The following NAALADL2 variants were observed in gnomAD, a reference collection of about 807,000 sequenced individuals.
The protein encoded by NAALADL2 is inactive N-acetylated-alpha-linked acidic dipeptidase-like protein 2.
A neutral mutation model predicts 87.2 loss-of-function variants in NAALADL2; 76 were observed. The ratio of observed to expected loss-of-function variants is 0.87; its 90% CI spans 0.72 to 1.05. NAALADL2 has a LOEUF of 1.05. Among genes scored for constraint, NAALADL2 ranks in the 50% least tolerant of loss-of-function variants. The pLI is 0.00. For missense variants in NAALADL2, 1,089 were observed against 945.8 expected, an observed-to-expected ratio of 1.15 and a Z score of -1.99; for synonymous variants, 354 against 331.0, an observed-to-expected ratio of 1.07 and a Z score of -0.75.
intron 2 of NAALADL2, among the ~76,000 whole-genome samples, chr3:174,712,113 C>G (rs1730696635): frequency 6.6e-6 from 1 of 152,010 alleles, no homozygotes; most frequent in Non-Finnish European, 1.5e-5. Flanking sequence ...TTTTGCAGAT[C>G]TGATTGACTT....
intron 1 of NAALADL2, among the ~76,000 whole-genome samples, chr3:174,547,795 G>T (rs1711567179): frequency 6.6e-6 from 1 of 152,216 alleles, no homozygotes; most frequent in South Asian, 2.1e-4. Context: ...TTAAACTTCA[G>T]ATTAAAGAAA....
intron 1 of NAALADL2, among the ~76,000 whole-genome samples, chr3:175,024,694 G>A (rs1028392550): frequency 1.3e-4 from 19 of 150,698 alleles, no homozygotes; most frequent in Non-Finnish European, 1.8e-4. Context: ...GGATATCAGA[G>A]TGAAAAAGAG....
At chr3:175,667,240 A>AG (rs1560943615) in intron 11 of NAALADL2, among the ~76,000 whole-genome samples, 35 of 88,238 alleles carry the variant, frequency 4.0e-4, no homozygotes, top group African/African-American at 2.2e-3. Context: ...AGAAAGAAAG[A>AG]AAAAGAAAGA....
chr3:174,669,001 T>G (rs1275791834), intron 2 of NAALADL2, among the ~76,000 whole-genome samples: 1 of 152,192 alleles, frequency 6.6e-6, no homozygotes, highest in Non-Finnish European at 1.5e-5. Context: ...CCACACTGAC[T>G]TCCACAATGG....
chr3:174,888,288 G>C (rs1730445065), intron 1 of NAALADL2, among the ~76,000 whole-genome samples: 1 of 152,166 alleles, frequency 6.6e-6, no homozygotes, highest in African/African-American at 2.4e-5. Flanking sequence ...TTACAAATTT[G>C]AATTACATTC....
chr3:174,744,184 A>T (rs1355865415), intron 3 of NAALADL2, among the ~76,000 whole-genome samples: 1 of 151,918 alleles, frequency 6.6e-6, no homozygotes, highest in Non-Finnish European at 1.5e-5. Context: ...GATGGAATTA[A>T]GGTTGCTAAT....
chr3:174,747,392 C>T (rs930145559), intron 3 of NAALADL2, among the ~76,000 whole-genome samples: 4 of 151,990 alleles, frequency 2.6e-5, no homozygotes, highest in Admixed American at 1.3e-4. Context: ...CATCTCACGC[C>T]AGTCAGAATG....
At chr3:175,301,680 CA>C (rs1417881215) in intron 4 of NAALADL2, among the ~76,000 whole-genome samples, 1 of 151,972 alleles carries the variant, frequency 6.6e-6, no homozygotes, top group African/African-American at 2.4e-5. Context: ...TGATGTATAC[CA>C]GAAAGAAAGT....
intron 4 of NAALADL2, among the ~76,000 whole-genome samples, chr3:175,285,439 A>G (rs1225161826): frequency 6.6e-6 from 1 of 152,164 alleles, no homozygotes; most frequent in African/African-American, 2.4e-5. Context: ...CTCATTTTTA[A>G]ATAAGAAACC....
chr3:175,146,880 ATCT>A (rs1730826359), intron 2 of NAALADL2, among the ~76,000 whole-genome samples: 1 of 152,116 alleles, frequency 6.6e-6, no homozygotes, highest in Non-Finnish European at 1.5e-5. Flanking sequence ...CAGGTACATA[ATCT>A]TCTCCCAAGA....
intron 1 of NAALADL2, among the ~76,000 whole-genome samples, chr3:174,475,515 G>A (rs1036958179): frequency 1.3e-5 from 2 of 151,762 alleles, no homozygotes; most frequent in Admixed American, 1.3e-4. Context: ...AATAGTTTAT[G>A]AAAACACTAA....
intron 1 of NAALADL2, among the ~76,000 whole-genome samples, chr3:175,068,876 T>G (rs1715034218): frequency 6.6e-6 from 1 of 152,074 alleles, no homozygotes. Context: ...GGAGCATGGG[T>G]TCCTCTAAAA....
At chr3:174,771,441 A>T (rs1330592996) in intron 3 of NAALADL2, among the ~76,000 whole-genome samples, 1 of 152,174 alleles carries the variant, frequency 6.6e-6, no homozygotes, top group East Asian at 1.9e-4. Context: ...TTACTGAATG[A>T]GGAAAAGATA....
intron 1 of NAALADL2, among the ~76,000 whole-genome samples, chr3:174,986,027 G>C (rs1329028831): frequency 6.6e-6 from 1 of 151,894 alleles, no homozygotes; most frequent in Admixed American, 6.6e-5. Flanking sequence ...AATTGGTGAC[G>C]ATGACATCTA....
intron 2 of NAALADL2, among the ~76,000 whole-genome samples, chr3:174,575,029 A>C (rs1715370635): frequency 6.6e-6 from 1 of 152,152 alleles, no homozygotes; most frequent in Non-Finnish European, 1.5e-5. Flanking sequence ...TGGAAAATAA[A>C]ATAGAATGTA....
chr3:175,140,691 C>A (rs573838062), intron 2 of NAALADL2, among the ~76,000 whole-genome samples: 1 of 151,966 alleles, frequency 6.6e-6, no homozygotes, highest in Admixed American at 6.6e-5. Context: ...AGTGACATAA[C>A]GGAGAATGTT....
At chr3:174,903,561 A>G (rs1451296544) in intron 1 of NAALADL2, among the ~76,000 whole-genome samples, 2 of 151,448 alleles carry the variant, frequency 1.3e-5, no homozygotes, top group African/African-American at 4.9e-5. Context: ...TTTTCTTTGT[A>G]TCTATCTTTT....
chr3:175,391,541 A>T (rs544268499), intron 5 of NAALADL2, among the ~76,000 whole-genome samples: 1 of 152,288 alleles, frequency 6.6e-6, no homozygotes, highest in African/African-American at 2.4e-5. Context: ...CGTCAGTCTG[A>T]TAGTTTGTGA....
chr3:174,495,679 A>T (rs1004847261), intron 1 of NAALADL2, among the ~76,000 whole-genome samples: 1 of 31,944 alleles, frequency 3.1e-5, no homozygotes, highest in Non-Finnish European at 6.6e-5. Context: ...TTCACAGGGG[A>T]TACTGAATCC....
Sources: allele counts gnomAD v4.1 joint callset (sites outside exome capture counted in the v4.1 genomes callset), GRCh38; gene constraint gnomAD v4.1.1; transcripts MANE v1.5; gene names NCBI Gene and HGNC (gene_info 2026-07-23, HGNC 2026-07-21).